MAGI1: variants seen among roughly 807,000 people sequenced by gnomAD.
MAGI1 encodes membrane associated guanylate kinase, WW and PDZ domain containing 1, also known as membrane-associated guanylate kinase, WW and PDZ domain-containing protein 1.
MAGI1 carries 58 observed loss-of-function variants against 139.9 expected under a neutral mutation model. The observed-to-expected ratio is 0.41, with a 90% CI of 0.34 to 0.52. MAGI1 has a LOEUF of 0.52. Among genes scored for constraint, MAGI1 ranks in the 20% least tolerant of loss-of-function variants. MAGI1 has a pLI of 0.12. For synonymous variants in MAGI1, 812 were observed against 737.9 expected (o/e 1.10, Z -1.63); for missense variants, 1,874 against 1,901.6 (o/e 0.99, Z 0.27).
intron 2 of MAGI1, among the ~76,000 whole-genome samples, chr3:65,566,098 A>G (rs901196886): frequency 2.0e-5 from 3 of 151,548 alleles, no homozygotes; most frequent in Admixed American, 6.6e-5. Context: ...TACTAAAAAT[A>G]TGAAAATTAG....
At chr3:65,450,799 C>T (rs989107448) in intron 6 of MAGI1, among the ~76,000 whole-genome samples, 1 of 152,112 alleles carries the variant, frequency 6.6e-6, no homozygotes, top group African/African-American at 2.4e-5. Context: ...AAGTATGATG[C>T]TATACTGTTA....
intron 2 of MAGI1, among the ~76,000 whole-genome samples, chr3:65,618,709 A>C (rs750995047): frequency 1.7e-4 from 26 of 152,170 alleles, no homozygotes; most frequent in Non-Finnish European, 2.9e-4. Flanking sequence ...GCAAACTATT[A>C]ACCTCTCTTG....
chr3:65,829,896 T>G (rs1018930343), intron 1 of MAGI1, among the ~76,000 whole-genome samples: 1 of 152,232 alleles, frequency 6.6e-6, no homozygotes, highest in African/African-American at 2.4e-5. Flanking sequence ...GATCCCTACA[T>G]AAACAGTTGT....
rs569366419 is a variant in MAGI1, at chr3:65,557,261, T to C, written c.431-63630A>G. Among the ~76,000 whole-genome samples, 8 of 152,348 alleles carry C rather than the reference T, an allele frequency of 5.3e-5. No individual in the cohort carries two copies. The South Asian group carries it at 1.7e-3, about 32-fold the overall frequency. ...GTCCCTTCCACCTTGGTTCTGTGCATTCTCTCTGTCTTCCTCTTGGAGTAT... is the reference window on the plus strand; with the variant it reads ...GTCCCTTCCACCTTGGTTCTGTGCACTCTCTCTGTCTTCCTCTTGGAGTAT... On this transcript the variant is annotated intron_variant, in intron 2 of 22. Coordinates refer to ENST00000402939, the MANE Select transcript of MAGI1 (RefSeq NM_001033057.2).
At chr3:65,826,132 A>G (rs1018146093) in intron 1 of MAGI1, among the ~76,000 whole-genome samples, 1 of 147,838 alleles carries the variant, frequency 6.8e-6, no homozygotes, top group Non-Finnish European at 1.5e-5. Flanking sequence ...ACATGCATGG[A>G]AAAAAATACA....
At chr3:65,463,558 A>ATGTGTGTGTGTGTGTGTGTGTG (rs56135171) in intron 5 of MAGI1, among the ~76,000 whole-genome samples, 7 of 140,748 alleles carry the variant, frequency 5.0e-5, no homozygotes, top group African/African-American at 1.9e-4. Flanking sequence ...TTGGCCTGAA[A>ATGTGTGTGTGTGTGTGTGTGTG]TGTGTGTGTG....
In MAGI1 at chr3:65,375,708, AAGAG is replaced by A. The variant is rs3836224; in HGVS notation, c.3196+33_3196+36del. ...AAAGACAGAGACAGAGAGAGAGAAA[AAGAG>A]AGAGAGAGAGAGAGATAATAGGTAT... On this transcript the variant is annotated intron_variant, in intron 18 of 22. Coordinates refer to ENST00000402939, the MANE Select transcript of MAGI1 (RefSeq NM_001033057.2). The A allele has an allele frequency of 1.4e-4, 195 of 1,373,488 alleles. 1 individual carries two copies. The highest frequency in any genetic ancestry group is 2.2e-4 in the Middle Eastern group (1 of 4,626). The allele number at this position is 1,373,488 out of a possible 1,614,324, so 85.1% of individuals were successfully genotyped here.
intron 5 of MAGI1, among the ~76,000 whole-genome samples, chr3:65,460,496 G>A (rs1419275659): frequency 1.3e-5 from 2 of 150,836 alleles, no homozygotes; most frequent in African/African-American, 2.4e-5. Context: ...TTTGTGATGA[G>A]TGACTCCTCA....
Position 65,843,268 on chromosome 3 carries a change from T to A in MAGI1, c.313+194728A>T, listed in dbSNP as rs184570033. Among the ~76,000 whole-genome samples the A allele has an allele frequency of 5.3e-4, 80 of 152,154 alleles. No individual in the cohort carries two copies. The Middle Eastern group carries it at 0.01, about 19-fold the overall frequency. The stretch of plus-strand genomic sequence containing the variant: ...ATTATGTGGCAGCCCTGTCAAGAGG[T>A]CCACGGAATAAGGGAGCAAGGACTG... On this transcript the variant is annotated intron_variant, in intron 1 of 22. Transcript: ENST00000402939.
intron 1 of MAGI1, among the ~76,000 whole-genome samples, chr3:65,926,055 G>C (rs576715865): frequency 6.6e-6 from 1 of 152,242 alleles, no homozygotes; most frequent in South Asian, 2.1e-4. Flanking sequence ...AGTAAACTGA[G>C]GTGGCAAGTA....
chr3:65,830,029 C>G (rs1244247199), intron 1 of MAGI1, among the ~76,000 whole-genome samples: 2 of 152,154 alleles, frequency 1.3e-5, no homozygotes, highest in Non-Finnish European at 2.9e-5. Flanking sequence ...ACATTCCAGA[C>G]ACACGTGAGA....
intron 1 of MAGI1, among the ~76,000 whole-genome samples, chr3:65,743,316 C>G (rs1311308845): frequency 6.6e-6 from 1 of 152,172 alleles, no homozygotes; most frequent in Non-Finnish European, 1.5e-5. Flanking sequence ...CTAGAAGATT[C>G]CTAAGTGTTT....
At chr3:65,549,677 C>T (rs2079723463) in intron 2 of MAGI1, among the ~76,000 whole-genome samples, 1 of 152,100 alleles carries the variant, frequency 6.6e-6, no homozygotes, top group South Asian at 2.1e-4. Flanking sequence ...CCGCCCCCAT[C>T]CTCAGGGCCT....
chr3:65,519,335 GACACACACACACACACACACACAC>G (rs35232258), intron 2 of MAGI1, among the ~76,000 whole-genome samples: 17,949 of 139,174 alleles, frequency 0.13, 1,259 homozygotes, highest in Middle Eastern at 0.17. Flanking sequence ...ATCATGATCT[GACACACACACACACACACACACAC>G]ACACACACAC....
At chr3:66,032,248 G>C (rs1218105298) in intron 1 of MAGI1, among the ~76,000 whole-genome samples, 1 of 151,932 alleles carries the variant, frequency 6.6e-6, no homozygotes, top group Non-Finnish European at 1.5e-5. Flanking sequence ...GTCTCACTCT[G>C]TCACCCAGGC....
At chr3:65,419,448 A>C (rs1281752753) in intron 12 of MAGI1, among the ~76,000 whole-genome samples, 36 of 152,218 alleles carry the variant, frequency 2.4e-4, no homozygotes, top group Admixed American at 2.4e-3. Flanking sequence ...TTGATTTCAC[A>C]GCCCAGTAAT....
chr3:65,883,890 C>T (rs1559975370), intron 1 of MAGI1, among the ~76,000 whole-genome samples: 1 of 152,152 alleles, frequency 6.6e-6, no homozygotes, highest in African/African-American at 2.4e-5. Context: ...AGAACATTTC[C>T]TGTTCATCGA....
At chr3:65,506,875 C>G (rs552828737) in intron 2 of MAGI1, among the ~76,000 whole-genome samples, 1 of 152,022 alleles carries the variant, frequency 6.6e-6, no homozygotes, top group African/African-American at 2.4e-5. Flanking sequence ...CAATTCAAAA[C>G]AGATAAAAGA....
intron 3 of MAGI1, among the ~76,000 whole-genome samples, chr3:65,491,151 C>T (rs1327767263): frequency 2.6e-5 from 4 of 151,994 alleles, no homozygotes; most frequent in South Asian, 2.1e-4. Flanking sequence ...GGATATTCTT[C>T]GGGTTTTTAG....
Sources: gnomAD v4.1 joint callset for allele counts (sites outside exome capture counted in the v4.1 genomes callset) on GRCh38, gnomAD v4.1.1 for gene constraint, MANE v1.5 for transcripts, NCBI Gene and HGNC (gene_info 2026-07-23, HGNC 2026-07-21) for gene names.